Variants in PBRM1 observed in about 807,000 individuals in gnomAD.
PBRM1 encodes protein polybromo-1.
In PBRM1, 27 loss-of-function variants were observed where a neutral mutation model predicts 194.5. The observed-to-expected ratio is 0.14, with a 90% CI of 0.10 to 0.19. The LOEUF (loss-of-function observed/expected upper bound fraction) is 0.19, where lower values mean the gene tolerates loss of function less well. Among genes scored for constraint, PBRM1 ranks in the 10% least tolerant of loss-of-function variants. The probability of loss-of-function intolerance (pLI) is 1.00; values close to 1 mark genes in which losing one functional copy is unlikely to be tolerated. For synonymous variants in PBRM1, 655 were observed against 693.2 expected (o/e 0.94, Z 0.87); for missense variants, 1,466 against 2,077.2 (o/e 0.71, Z 5.72).
rs979824755 is a variant in PBRM1, at chr3:52,614,336, T to A, written c.1924+1015A>T. 3.4e-5 allele frequency among the ~76,000 whole-genome samples: 4 copies of A among 119,214 alleles called. No individual in the cohort carries two copies. In the South Asian group the frequency reaches 1.1e-3, roughly 33 times the overall value. 78.2% of individuals were successfully genotyped at this position (119,214 alleles called of 152,430 possible). ...TTGCAGTGAGCCAAGATCACACCACTGCACTCCAACCGGGGTGACAGGGCG... is the reference window on the plus strand; with the variant it reads ...TTGCAGTGAGCCAAGATCACACCACAGCACTCCAACCGGGGTGACAGGGCG... On this transcript the variant is annotated intron_variant, in intron 15 of 29. Transcript: ENST00000296302.
At chr3:52,547,764 T>C (rs574070378), downstream of PBRM1, 38 of 270,688 alleles carry the variant, frequency 1.4e-4, no homozygotes, top group Non-Finnish European at 2.2e-4. Context: ...TTCAGTTCCA[T>C]GGCAACAAGT....
chr3:52,608,106 T>C (rs1255372261), intron 16 of PBRM1, among the ~76,000 whole-genome samples: 8 of 151,842 alleles, frequency 5.3e-5, no homozygotes, highest in African/African-American at 1.2e-4. Flanking sequence ...TGTTGTCTCA[T>C]GTGTGGAATT....
chr3:52,634,683 G>A (rs778505553), exon 11 of PBRM1: 3 of 1,613,700 alleles, frequency 1.9e-6, no homozygotes, highest in Admixed American at 3.3e-5. Flanking sequence ...ATGGTAAAAA[G>A]GTTCAGCTAT....
intron 29 of PBRM1, 58 bp downstream of exon 31, chr3:52,550,363 G>A (rs2080637941): frequency 4.6e-6 from 4 of 861,038 alleles, no homozygotes; most frequent in East Asian, 2.7e-5. Context: ...GCTAACAGCA[G>A]TAAGACAGCT....
chr3:52,586,213 C>T (rs965835073), intron 20 of PBRM1: 8 of 443,216 alleles, frequency 1.8e-5, no homozygotes, highest in East Asian at 1.1e-4. Flanking sequence ...GGATTACAGG[C>T]GTGAACCAAT....
At chr3:52,634,898 C>T in intron 10 of PBRM1, 83 bp from the exon 12 acceptor site, 1 of 905,488 alleles carries the variant, frequency 1.1e-6, no homozygotes, top group Non-Finnish European at 1.7e-6. Flanking sequence ...AACAACCTTC[C>T]AGATTGAACT....
chr3:52,606,421 T>A (rs2094352525), intron 16 of PBRM1, among the ~76,000 whole-genome samples: 1 of 152,174 alleles, frequency 6.6e-6, no homozygotes, highest in African/African-American at 2.4e-5. Flanking sequence ...AAAGTGAAAA[T>A]TTCTGTAAAT....
At position 52,609,591 on chromosome 3, in the gene PBRM1, C is replaced by T. The variant is rs1382979992; in HGVS notation, c.2289G>A (p.Leu763=). The T allele has an allele frequency of 1.2e-6, 2 of 1,613,026 alleles. No homozygotes were observed. Among genetic ancestry groups the T allele is most frequent in the Admixed American group, 1.7e-5 (1 of 59,856 alleles). ...GGACATGAGAGTCCTCATCTCCCTC[C>T]AGGTCTCTGCGTGTTTCAAGCAGGA... The change falls in exon 16 of 30, where the codon CTG becomes CTA. Residue 763 remains leucine, a synonymous_variant. Transcript: ENST00000296302. The surrounding 1 kb of genome is among the most constrained non-coding windows in gnomAD (Gnocchi z 4.1).
downstream of PBRM1, chr3:52,546,381 A>AT (rs548715456): frequency 5.1e-3 from 1,166 of 229,708 alleles, 17 homozygotes; most frequent in African/African-American, 0.024. Context: ...ACTGCAATAC[A>AT]TTTTTTTAAA....
At chr3:52,654,244 C>G (rs1336712011) in intron 5 of PBRM1, among the ~76,000 whole-genome samples, 1 of 152,204 alleles carries the variant, frequency 6.6e-6, no homozygotes, top group Admixed American at 6.5e-5. Context: ...CTGGGCTGAA[C>G]AGATTATCTC....
intron 22 of PBRM1, among the ~76,000 whole-genome samples, chr3:52,568,362 G>C (rs2086006151): frequency 6.6e-6 from 1 of 152,140 alleles, no homozygotes; most frequent in Non-Finnish European, 1.5e-5. Flanking sequence ...CTTTATAGGA[G>C]CTCTTCATCT....
chr3:52,557,681 T>TA (rs1382514186), intron 26 of PBRM1, among the ~76,000 whole-genome samples: 5 of 152,184 alleles, frequency 3.3e-5, no homozygotes, highest in Non-Finnish European at 1.5e-5. Context: ...TTAATGTAAT[T>TA]AAATAGAAAA....
chr3:52,612,258 C>CAAAAAAAAAAAAAAAAAAAAA lies in PBRM1; in HGVS notation c.1925-2324_1925-2304dup, dbSNP rs566481465. 2.2e-3 allele frequency among the ~76,000 whole-genome samples: 54 copies of CAAAAAAAAAAAAAAAAAAAAA among 24,006 alleles called. 8 individuals are homozygous for CAAAAAAAAAAAAAAAAAAAAA. Among genetic ancestry groups the CAAAAAAAAAAAAAAAAAAAAA allele is most frequent in the Non-Finnish European group, 3.0e-3 (39 of 12,906 alleles). The allele number at this position is 24,006 out of a possible 152,430, so 15.7% of individuals were successfully genotyped here. ...TAGGCAACAGAGCGAGATTCCGTCT[C>CAAAAAAAAAAAAAAAAAAAAA]AAAAAAAAAAAAAAAAAAAAAAAAG... On this transcript the variant is annotated intron_variant, in intron 15 of 29. Transcript: ENST00000296302.
chr3:52,643,431 C>T, intron 8 of PBRM1, 88 bp from the exon 10 acceptor site: 1 of 832,482 alleles, frequency 1.2e-6, no homozygotes, highest in Non-Finnish European at 2.1e-6. Flanking sequence ...CCATTTTCTT[C>T]TCTTCTAAAT....
In PBRM1 at chr3:52,593,434, G is replaced by T. The variant is rs373265543; in HGVS notation, c.2780-4179C>A. Among the ~76,000 whole-genome samples the T allele has an allele frequency of 2.9e-4, 44 of 152,206 alleles. 5 individuals carry two copies. The highest frequency in any genetic ancestry group is 2.1e-3 in the Admixed American group (32 of 15,272). On this transcript the variant is annotated intron_variant, in intron 17 of 29. Coordinates refer to ENST00000296302, the Ensembl canonical transcript of PBRM1. ...GCATTTTTAGTAGAGAAGAGGTTTT[G>T]CCATGTTGGCTAGGGTGGTCTCAAA...
At chr3:52,618,604 T>G (rs1379436561) in intron 13 of PBRM1, among the ~76,000 whole-genome samples, 3 of 151,272 alleles carry the variant, frequency 2.0e-5, no homozygotes, top group Non-Finnish European at 4.4e-5. Context: ...TTTTTTTTTT[T>G]TTTTTTTGAG....
At chr3:52,591,841 CAT>C (rs2093096406) in intron 17 of PBRM1, among the ~76,000 whole-genome samples, 1 of 92,220 alleles carries the variant, frequency 1.1e-5, no homozygotes, top group Non-Finnish European at 2.0e-5. Flanking sequence ...TTTTTTTTGA[CAT>C]AGTCTTGCTC....
intron 25 of PBRM1, among the ~76,000 whole-genome samples, chr3:52,559,217 C>T (rs1488591209): frequency 6.6e-6 from 1 of 152,146 alleles, no homozygotes; most frequent in Non-Finnish European, 1.5e-5. Context: ...CCTCTTACTT[C>T]ATTCAAAATG....
exon 23 of PBRM1, chr3:52,564,199 G>C: frequency 6.2e-7 from 1 of 1,613,840 alleles, no homozygotes. Context: ...GCCTGCAGGA[G>C]AGGAAGTCCT....
Sources: gnomAD v4.1 joint callset for allele counts (sites outside exome capture counted in the v4.1 genomes callset) on GRCh38, gnomAD v4.1.1 for gene constraint, Gnocchi (gnomAD v3.1) non-coding constraint, MANE v1.5 for transcripts, NCBI Gene and HGNC (gene_info 2026-07-23, HGNC 2026-07-21) for gene names.